Variants in STAT4 observed in about 807,000 individuals in gnomAD.
The protein encoded by STAT4 is signal transducer and activator of transcription 4.
STAT4 carries 42 observed loss-of-function variants against 110.5 expected under a neutral mutation model. That is an observed-to-expected ratio of 0.38 (90% confidence interval 0.30 to 0.49). STAT4 has a LOEUF of 0.49. Ranked by LOEUF, STAT4 falls within the 20% of genes least tolerant of loss-of-function variation. The pLI, the probability that STAT4 is intolerant of heterozygous loss-of-function variation, is 0.95. For synonymous variants in STAT4, 284 were observed against 302.2 expected, an observed-to-expected ratio of 0.94 and a Z score of 0.63; for missense variants, 632 against 887.9, an observed-to-expected ratio of 0.71 and a Z score of 3.66.
intron 3 of STAT4, among the ~76,000 whole-genome samples, chr2:191,134,812 A>G (rs1436977372): frequency 1.3e-5 from 2 of 152,200 alleles, no homozygotes; most frequent in Admixed American, 1.3e-4. Flanking sequence ...AAAATTAAAC[A>G]TGCTGCTACT....
chr2:191,136,580 C>T (rs1699185613), intron 3 of STAT4, among the ~76,000 whole-genome samples: 1 of 152,138 alleles, frequency 6.6e-6, no homozygotes, highest in Non-Finnish European at 1.5e-5. Flanking sequence ...AGTGAAACCC[C>T]ATCTCTGCTA....
rs1698482317 is a variant in STAT4 at position 191,113,431 on chromosome 2, T to C, written c.273+33182A>G. 6.6e-6 allele frequency among the ~76,000 whole-genome samples: 1 copy of C among 152,180 alleles called. No individual in the cohort carries two copies. The highest frequency in any genetic ancestry group is 1.5e-5 in the Non-Finnish European group (1 of 68,020). On this transcript the variant is annotated intron_variant, in intron 3 of 23. Coordinates refer to ENST00000392320, the MANE Select transcript of STAT4 (RefSeq NM_003151.4). The surrounding 1 kb of genome is among the most constrained non-coding windows in gnomAD (Gnocchi z 4.8). ...ACACAGGAGAAAGCACTTTTTCAAA[T>C]TTATTGGATTGAAGAGAAGGAAAAG...
chr2:191,103,589 A>G (rs768870278), intron 3 of STAT4, among the ~76,000 whole-genome samples: 9 of 152,168 alleles, frequency 5.9e-5, no homozygotes, highest in Non-Finnish European at 1.3e-4. Flanking sequence ...TCTTAATCAT[A>G]GAGTTGGTCC....
intron 16 of STAT4, among the ~76,000 whole-genome samples, chr2:191,038,899 A>T (rs1399897735): frequency 6.6e-6 from 1 of 152,212 alleles, no homozygotes; most frequent in African/African-American, 2.4e-5. Flanking sequence ...CAGCTTAGTT[A>T]ACAGAGTCAT....
In STAT4 at chr2:191,116,493, G is replaced by A. The variant is rs1452268889; in HGVS notation, c.273+30120C>T. On this transcript the variant is annotated intron_variant, in intron 3 of 23. Coordinates refer to ENST00000392320, the MANE Select transcript of STAT4 (RefSeq NM_003151.4). This position sits in a 1 kb window ranked among gnomAD's most constrained non-coding sequence, Gnocchi z 4.1. ...AAAATAATCTTCTAATAAAATCAGT[G>A]TAGATTTACAATAAGTTAAAAGGAA... Among the ~76,000 whole-genome samples the A allele has an allele frequency of 2.0e-5, 3 of 152,130 alleles. No homozygotes were observed. Among genetic ancestry groups the A allele is most frequent in the South Asian group, 2.1e-4 (1 of 4,826 alleles).
chr2:191,079,582 T>A (rs1697406947), intron 3 of STAT4, among the ~76,000 whole-genome samples: 2 of 152,104 alleles, frequency 1.3e-5, no homozygotes, highest in African/African-American at 4.8e-5. Context: ...ATTATATCTG[T>A]ATATTCTTTG....
chr2:191,107,084 C>T lies in STAT4; in HGVS notation c.274-30759G>A, dbSNP rs898174163. ...TACACATTAATGTCAGCAGTAGAAA[C>T]GTATGGTTGCGTGAAATGAAATATA... On this transcript the variant is annotated intron_variant, in intron 3 of 23. Transcript: ENST00000392320. This position sits in a 1 kb window ranked among gnomAD's most constrained non-coding sequence, Gnocchi z 4.2. Among the ~76,000 whole-genome samples, 1 of 152,050 alleles carries T rather than the reference C, an allele frequency of 6.6e-6. No homozygotes were observed. The highest frequency in any genetic ancestry group is 2.1e-4 in the South Asian group (1 of 4,826).
rs532693884 is a variant in STAT4, at chr2:191,131,935, CT to C, written c.273+14677del. The C allele has an allele frequency of 3.8e-3, 5,070 of 1,325,950 alleles. 20 individuals carry two copies. The highest frequency in any genetic ancestry group is 4.6e-3 in the Non-Finnish European group (4,703 of 1,030,504). The allele number at this position is 1,325,950 out of a possible 1,614,324, so 82.1% of individuals were successfully genotyped here. A position where few individuals can be genotyped will look rare whatever the true frequency, so the allele number is the denominator to read the frequency against. Reference sequence around the variant, plus strand: ...ATTAGAGGTCTGTTTATTCTCTACACTTGTGGAGGTGTGTGTTATCTAGATT... The same window carrying C: ...ATTAGAGGTCTGTTTATTCTCTACACTGTGGAGGTGTGTGTTATCTAGATT... On this transcript the variant is annotated intron_variant, in intron 3 of 23. Transcript: ENST00000392320.
chr2:191,144,463 T>C lies in STAT4; in HGVS notation c.273+2150A>G, dbSNP rs1202473151. Among the ~76,000 whole-genome samples, 1 of 151,974 alleles carries C rather than the reference T, an allele frequency of 6.6e-6. No individual in the cohort carries two copies. Among genetic ancestry groups the C allele is most frequent in the Non-Finnish European group, 1.5e-5 (1 of 67,990 alleles). On this transcript the variant is annotated intron_variant, in intron 3 of 23. Coordinates refer to ENST00000392320, the MANE Select transcript of STAT4 (RefSeq NM_003151.4). This position sits in a 1 kb window ranked among gnomAD's most constrained non-coding sequence, Gnocchi z 4.7. ...GACGTGTTCAGGAACAAGTAGTAGA[T>C]CTATTTTTCTGAGGTAGGGATGTGG...
chr2:191,056,721 A>T (rs1274330779), intron 13 of STAT4, among the ~76,000 whole-genome samples: 2 of 151,880 alleles, frequency 1.3e-5, no homozygotes, highest in African/African-American at 2.4e-5. Context: ...GGATCATTAC[A>T]ATTCTTCTCT....
intron 3 of STAT4, among the ~76,000 whole-genome samples, chr2:191,132,372 T>C (rs1336630734): frequency 6.6e-6 from 1 of 151,766 alleles, no homozygotes; most frequent in Non-Finnish European, 1.5e-5. Flanking sequence ...CAGTACCAGA[T>C]ATTCTTAAGC....
chr2:191,101,288 A>T (rs890656358), intron 3 of STAT4, among the ~76,000 whole-genome samples: 7 of 152,172 alleles, frequency 4.6e-5, no homozygotes, highest in African/African-American at 1.7e-4. Context: ...TTGGTTTATT[A>T]TCTCTGTGTG....
Position 191,033,574 on chromosome 2 carries a change from T to C in STAT4, c.1768A>G (p.Lys590Glu). The C allele has an allele frequency of 6.2e-7, 1 of 1,614,164 alleles. No homozygotes were observed. ...CTTAATAAAAAGGTGCCAGGCATTT[T>C]ATCCTTTAGCAACAGCCGTTCCTTC... ...KEKERLLLKD[K>E]MPGTFLLRFS... The change falls in exon 20 of 24, where the codon AAA (lysine) becomes GAA (glutamate). Residue 590 changes from lysine (K) to glutamate (E), a missense_variant. Lys to Glu is a moderately conservative substitution (Grantham distance 56). This residue lies in a region of STAT4 where 74 missense variants were observed against 154.3 expected (regional missense o/e 0.48). Transcript: ENST00000392320. The surrounding 1 kb of genome is among the most constrained non-coding windows in gnomAD (Gnocchi z 6.9).
At chr2:191,065,080 C>A in intron 7 of STAT4, 122 bp from the exon 8 acceptor site, 3 of 1,050,756 alleles carry the variant, frequency 2.9e-6, no homozygotes, top group Non-Finnish European at 4.0e-6. Flanking sequence ...AAATATTTTA[C>A]TAAATGCTAG....
Position 191,053,286 on chromosome 2 carries a change from C to A in STAT4, c.1251+1204G>T, listed in dbSNP as rs1327478301. On this transcript the variant is annotated intron_variant, in intron 14 of 23. Coordinates refer to ENST00000392320, the MANE Select transcript of STAT4 (RefSeq NM_003151.4). This position sits in a 1 kb window ranked among gnomAD's most constrained non-coding sequence, Gnocchi z 4.5. ...ACTGCATCACGTAGGTGGTTTTACA[C>A]CTGCAGCACCTCTGAGCACGGGCTG... Among the ~76,000 whole-genome samples the A allele has an allele frequency of 2.0e-5, 3 of 152,206 alleles. No homozygotes were observed. The highest frequency in any genetic ancestry group is 1.9e-4 in the East Asian group (1 of 5,202).
Position 191,082,795 on chromosome 2 carries a change from C to CT in STAT4, c.274-6471dup, listed in dbSNP as rs1485658293. Among the ~76,000 whole-genome samples, 1 of 152,114 alleles carries CT rather than the reference C, an allele frequency of 6.6e-6. No individual in the cohort carries two copies. Among genetic ancestry groups the CT allele is most frequent in the East Asian group, 1.9e-4 (1 of 5,190 alleles). On this transcript the variant is annotated intron_variant, in intron 3 of 23. Coordinates refer to ENST00000392320, the MANE Select transcript of STAT4 (RefSeq NM_003151.4). This position sits in a 1 kb window ranked among gnomAD's most constrained non-coding sequence, Gnocchi z 4.7. ...TCAGAAGTAATAGATGTGAGAAGCC[C>CT]TGTTCAAAATAATCTTCTTCATACA...
intron 13 of STAT4, among the ~76,000 whole-genome samples, chr2:191,057,581 C>CTTTT (rs56816363): frequency 6.6e-5 from 8 of 121,300 alleles, no homozygotes; most frequent in Non-Finnish European, 8.6e-5. Flanking sequence ...AATTTCTTTT[C>CTTTT]TTTTTTTTTT....
chr2:191,149,666 T>C (rs964615008), intron 1 of STAT4, among the ~76,000 whole-genome samples: 1 of 152,230 alleles, frequency 6.6e-6, no homozygotes, highest in Non-Finnish European at 1.5e-5. Context: ...GTCTGAACCA[T>C]TTGTTTTTCC....
chr2:191,105,087 C>A (rs993762606), intron 3 of STAT4, among the ~76,000 whole-genome samples: 1 of 152,150 alleles, frequency 6.6e-6, no homozygotes, highest in Admixed American at 6.5e-5. Flanking sequence ...AATAACAGAT[C>A]GTGGGAAAAT....
Sources: allele counts gnomAD v4.1 joint callset (sites outside exome capture counted in the v4.1 genomes callset), GRCh38; gene constraint gnomAD v4.1.1; regional missense constraint gnomAD v4.1.1; non-coding constraint Gnocchi (gnomAD v3.1); transcripts MANE v1.5; gene names NCBI Gene and HGNC (gene_info 2026-07-23, HGNC 2026-07-21).